Variants in ARID4A observed in about 807,000 individuals in gnomAD.
ARID4A encodes the protein AT-rich interactive domain-containing protein 4A.
In ARID4A, 39 loss-of-function variants were observed where a neutral mutation model predicts 148.6. That is an observed-to-expected ratio of 0.26 (90% CI 0.20 to 0.34). The LOEUF is 0.34. Among genes scored for constraint, ARID4A ranks in the 10% least tolerant of loss-of-function variants. ARID4A has a pLI of 1.00. For missense variants in ARID4A, 1,265 were observed against 1,449.1 expected, an observed-to-expected ratio of 0.87 and a Z score of 2.06; for synonymous variants, 475 against 481.2, an observed-to-expected ratio of 0.99 and a Z score of 0.17.
At chr14:58,353,879 C>T in intron 17 of ARID4A, 24 bp downstream of exon 17, 1 of 1,591,510 alleles carries the variant, frequency 6.3e-7, no homozygotes, top group East Asian at 2.2e-5. Flanking sequence ...TATTTTCTTA[C>T]TATTGAAATT....
chr14:58,325,171 C>T (rs559774446), intron 8 of ARID4A, among the ~76,000 whole-genome samples: 1 of 152,254 alleles, frequency 6.6e-6, no homozygotes, highest in South Asian at 2.1e-4. Flanking sequence ...TTTTTCTTCT[C>T]TTCCTACTCC....
chr14:58,353,724 A>G lies in ARID4A; in HGVS notation c.1722A>G (p.Leu574=). 6.2e-7 allele frequency: 1 copy of G among 1,614,086 alleles called. No individual in the cohort carries two copies. The highest frequency in any genetic ancestry group is 1.3e-5 in the African/African-American group (1 of 75,050). ...EEDEEDMEPC[L]TGTKVKVKYG... ...ATGAGGAAGACATGGAACCCTGCCT[A>G]ACAGGAACCAAAGTGAAAGTAAAAT... The change falls in exon 17 of 24, where the codon CTA becomes CTG. Residue 574 remains leucine (L), a synonymous_variant. Coordinates refer to ENST00000355431, the MANE Select transcript of ARID4A (RefSeq NM_002892.4).
chr14:58,328,732 C>T (rs1038409109), intron 9 of ARID4A, among the ~76,000 whole-genome samples: 1 of 152,044 alleles, frequency 6.6e-6, no homozygotes, highest in African/African-American at 2.4e-5. Flanking sequence ...CAGTTGCTGA[C>T]GCCTGTAATC....
chr14:58,306,157 A>T (rs1411422002), intron 5 of ARID4A, 45 bp downstream of exon 5: 6 of 1,377,484 alleles, frequency 4.4e-6, no homozygotes, highest in Admixed American at 1.7e-5. Context: ...TGGAGGTTGC[A>T]TGTATCTGTG....
intron 13 of ARID4A, among the ~76,000 whole-genome samples, chr14:58,346,801 G>T (rs763341395): frequency 5.3e-5 from 8 of 150,554 alleles, no homozygotes; most frequent in Non-Finnish European, 1.0e-4. Context: ...GGTGTCGCAT[G>T]CCTGTGGTCC....
At chr14:58,325,225 T>C (rs568548936) in intron 8 of ARID4A, among the ~76,000 whole-genome samples, 1 of 152,326 alleles carries the variant, frequency 6.6e-6, no homozygotes, top group South Asian at 2.1e-4. Context: ...AAATATCTCT[T>C]AAAGTTCAGC....
intron 2 of ARID4A, among the ~76,000 whole-genome samples, chr14:58,301,244 G>A (rs2031140696): frequency 6.6e-6 from 1 of 152,008 alleles, no homozygotes; most frequent in Non-Finnish European, 1.5e-5. Flanking sequence ...TTAGTTTTAT[G>A]ATATGTGTAA....
At chr14:58,326,602 T>C (rs1370491155) in intron 8 of ARID4A, among the ~76,000 whole-genome samples, 1 of 152,222 alleles carries the variant, frequency 6.6e-6, no homozygotes, top group Non-Finnish European at 1.5e-5. Flanking sequence ...AATTTGGACA[T>C]AATTCTGCAG....
chr14:58,367,775 C>A (rs1477277761), intron 23 of ARID4A, among the ~76,000 whole-genome samples: 1 of 152,086 alleles, frequency 6.6e-6, no homozygotes, highest in Non-Finnish European at 1.5e-5. Flanking sequence ...GCCCTAAACT[C>A]AAAAGGACAA....
At chr14:58,319,097 T>C (rs927894005) in intron 7 of ARID4A, among the ~76,000 whole-genome samples, 1 of 152,252 alleles carries the variant, frequency 6.6e-6, no homozygotes, top group African/African-American at 2.4e-5. Flanking sequence ...TCTCGCTCTG[T>C]TGCCCAGGCT....
intron 11 of ARID4A, among the ~76,000 whole-genome samples, chr14:58,343,169 T>C (rs1454446544): frequency 6.6e-6 from 1 of 152,232 alleles, no homozygotes; most frequent in Non-Finnish European, 1.5e-5. Context: ...AAAACTGCCA[T>C]CTCTTAATCT....
At chr14:58,367,658 G>A (rs1384413309) in intron 23 of ARID4A, among the ~76,000 whole-genome samples, 13 of 152,200 alleles carry the variant, frequency 8.5e-5, no homozygotes, top group Admixed American at 8.5e-4. Context: ...AGTAGTGTCT[G>A]AGCTAGCCCT....
chr14:58,310,798 C>T (rs1054748558), intron 5 of ARID4A, among the ~76,000 whole-genome samples: 4 of 151,264 alleles, frequency 2.6e-5, no homozygotes, highest in Non-Finnish European at 5.9e-5. Context: ...AACTAAATAG[C>T]TTCCACACAG....
intron 8 of ARID4A, among the ~76,000 whole-genome samples, chr14:58,324,043 A>T (rs1456310864): frequency 1.3e-5 from 2 of 151,246 alleles, no homozygotes; most frequent in Non-Finnish European, 3.0e-5. Flanking sequence ...TAGCTGGGAC[A>T]ACAGGCGCCT....
At chr14:58,350,989 G>A (rs1451164213) in intron 15 of ARID4A, 84 bp from the exon 16 acceptor site, 2 of 1,394,344 alleles carry the variant, frequency 1.4e-6, no homozygotes, top group Non-Finnish European at 1.9e-6. Flanking sequence ...ACATTGCTAT[G>A]AAGGTTAAAG....
Position 58,366,169 on chromosome 14 carries a change from T to A in ARID4A, c.3462T>A (p.Asp1154Glu), listed in dbSNP as rs2035352162. ...CGCACATCAAAGATGGAGAGAAAGA[T>A]AAACACAGAGAAAAACATCCGAATT... The part of the protein sequence containing the change: ...ISPHIKDGEK[D>E]KHREKHPNSS... The change falls in exon 22 of 24, where the codon GAT (aspartate) becomes GAA (glutamate). Residue 1154 changes from aspartate to glutamate, a missense_variant. Coordinates refer to ENST00000355431, the MANE Select transcript of ARID4A (RefSeq NM_002892.4). 1 of 1,613,790 alleles carries A rather than the reference T, an allele frequency of 6.2e-7. No individual in the cohort carries two copies. The highest frequency in any genetic ancestry group is 1.1e-5 in the South Asian group (1 of 91,086).
intron 8 of ARID4A, among the ~76,000 whole-genome samples, chr14:58,327,354 T>C (rs114644437): frequency 0.015 from 2,244 of 152,262 alleles, 54 homozygotes; most frequent in African/African-American, 0.051. Context: ...TTAAAAAATA[T>C]AAAGTTCTAT....
chr14:58,347,909 T>A (rs749922505), intron 15 of ARID4A, 31 bp downstream of exon 15: 5 of 1,474,490 alleles, frequency 3.4e-6, no homozygotes, highest in Non-Finnish European at 4.6e-6. Context: ...TTATCTGGTT[T>A]AAGTATTATT....
intron 13 of ARID4A, among the ~76,000 whole-genome samples, chr14:58,346,740 C>T (rs530383098): frequency 6.6e-6 from 1 of 151,194 alleles, no homozygotes; most frequent in South Asian, 2.1e-4. Flanking sequence ...CTAGCCTGGG[C>T]AACATGGCGA....
Sources: gnomAD v4.1 joint callset for allele counts (sites outside exome capture counted in the v4.1 genomes callset) on GRCh38, gnomAD v4.1.1 for gene constraint, MANE v1.5 for transcripts, NCBI Gene and HGNC (gene_info 2026-07-23, HGNC 2026-07-21) for gene names.